CCDC192: variants seen among roughly 807,000 people sequenced by gnomAD.
The protein encoded by CCDC192 is coiled-coil domain-containing protein 192.
At chr5:127,861,466 C>A (rs1751368215) in intron 5 of CCDC192, among the ~76,000 whole-genome samples, 1 of 151,388 alleles carries the variant, frequency 6.6e-6, no homozygotes, top group Admixed American at 6.6e-5. Context: ...ACCAGCCCAG[C>A]CAACATAGCA....
intron 5 of CCDC192, among the ~76,000 whole-genome samples, chr5:127,855,101 G>T (rs1460160918): frequency 1.3e-5 from 2 of 152,014 alleles, no homozygotes; most frequent in African/African-American, 2.4e-5. Flanking sequence ...GATTGGTCAG[G>T]GTGGTGGTGG....
intron 3 of CCDC192, among the ~76,000 whole-genome samples, chr5:127,781,430 A>C (rs1339659438): frequency 1.3e-5 from 2 of 151,990 alleles, no homozygotes; most frequent in African/African-American, 4.8e-5. Flanking sequence ...CAATATGGTC[A>C]TTTTCACAAT....
In CCDC192 at chr5:127,719,534, C is replaced by T. The variant is rs9918145; in HGVS notation, c.114+11774C>T. Among the ~76,000 whole-genome samples the T allele has an allele frequency of 0.011, 463 of 42,154 alleles. 24 individuals carry two copies. The East Asian group carries it at 0.17, about 15-fold the overall frequency. The allele number at this position is 42,154 out of a possible 152,430, so 27.7% of individuals were successfully genotyped here. ...ATATATATATATATATACACACATA[C>T]ATATATATATATATATATATATATA... On this transcript the variant is annotated intron_variant, in intron 2 of 6. Coordinates refer to ENST00000514853, the MANE Select transcript of CCDC192 (RefSeq NM_001317938.2).
At chr5:127,853,785 A>C (rs1294691079) in intron 5 of CCDC192, among the ~76,000 whole-genome samples, 1 of 152,072 alleles carries the variant, frequency 6.6e-6, no homozygotes, top group Non-Finnish European at 1.5e-5. Context: ...AAAGCAAACA[A>C]ACAAACAAAC....
At chr5:127,712,712 A>G (rs1751408430) in intron 2 of CCDC192, among the ~76,000 whole-genome samples, 1 of 152,216 alleles carries the variant, frequency 6.6e-6, no homozygotes, top group South Asian at 2.1e-4. Flanking sequence ...TAAGGCTTCT[A>G]TGAATATTCA....
chr5:127,936,365 C>G (rs986206212), intron 6 of CCDC192, among the ~76,000 whole-genome samples: 1 of 152,164 alleles, frequency 6.6e-6, no homozygotes, highest in Non-Finnish European at 1.5e-5. Flanking sequence ...TGGCCAAAGG[C>G]AAGGTCATAT....
intron 3 of CCDC192, among the ~76,000 whole-genome samples, chr5:127,777,119 G>C (rs1484640351): frequency 2.0e-5 from 3 of 152,168 alleles, no homozygotes; most frequent in Non-Finnish European, 1.5e-5. Flanking sequence ...CCTGTGCCTG[G>C]AAAAGCCACA....
chr5:127,817,958 A>T (rs1384054731), intron 5 of CCDC192, among the ~76,000 whole-genome samples: 5 of 152,226 alleles, frequency 3.3e-5, no homozygotes, highest in Non-Finnish European at 7.3e-5. Context: ...AGAAGTAGTC[A>T]TACAAATCCA....
chr5:127,930,646 A>G (rs1452609107), intron 6 of CCDC192, among the ~76,000 whole-genome samples: 1 of 152,198 alleles, frequency 6.6e-6, no homozygotes, highest in Non-Finnish European at 1.5e-5. Context: ...CTTACCAAGA[A>G]CCCCTTCTGT....
intron 5 of CCDC192, among the ~76,000 whole-genome samples, chr5:127,849,242 A>C (rs936603503): frequency 8.5e-5 from 13 of 152,246 alleles, no homozygotes; most frequent in Non-Finnish European, 1.6e-4. Flanking sequence ...AAAAATAAAT[A>C]AATAAATAAA....
intron 3 of CCDC192, among the ~76,000 whole-genome samples, chr5:127,764,854 A>G (rs1341288544): frequency 6.6e-6 from 1 of 152,234 alleles, no homozygotes; most frequent in African/African-American, 2.4e-5. Flanking sequence ...CAGGTTGGAC[A>G]GCTTATTTTA....
chr5:127,914,969 A>T (rs1014186899), intron 6 of CCDC192, among the ~76,000 whole-genome samples: 5 of 152,210 alleles, frequency 3.3e-5, no homozygotes, highest in African/African-American at 1.2e-4. Context: ...ACACAAGGAA[A>T]ATAGGACTTA....
intron 2 of CCDC192, among the ~76,000 whole-genome samples, chr5:127,722,670 T>C (rs1478749275): frequency 6.6e-6 from 1 of 152,214 alleles, no homozygotes; most frequent in Non-Finnish European, 1.5e-5. Flanking sequence ...TTCATTCTTC[T>C]CCATATGGAT....
chr5:127,709,049 T>C (rs909599174), intron 2 of CCDC192, among the ~76,000 whole-genome samples: 2 of 149,610 alleles, frequency 1.3e-5, no homozygotes, highest in African/African-American at 5.0e-5. Context: ...CTTAGGAAGG[T>C]TCCAATTAGG....
chr5:127,879,079 T>C (rs1752241544), intron 6 of CCDC192, among the ~76,000 whole-genome samples: 1 of 151,942 alleles, frequency 6.6e-6, no homozygotes, highest in South Asian at 2.1e-4. Context: ...TTTGCTGAAG[T>C]TGCTTATCAG....
At chr5:127,804,623 T>G (rs1043018114) in intron 5 of CCDC192, among the ~76,000 whole-genome samples, 1 of 152,198 alleles carries the variant, frequency 6.6e-6, no homozygotes, top group African/African-American at 2.4e-5. Flanking sequence ...AGAATCAGAA[T>G]CAGTTGTTTA....
At chr5:127,918,521 T>C (rs1166975950) in intron 6 of CCDC192, among the ~76,000 whole-genome samples, 1 of 152,162 alleles carries the variant, frequency 6.6e-6, no homozygotes, top group Non-Finnish European at 1.5e-5. Context: ...TTACACACTC[T>C]ATGGGATGAA....
At chr5:127,829,366 G>T (rs1749682405) in intron 5 of CCDC192, among the ~76,000 whole-genome samples, 1 of 101,434 alleles carries the variant, frequency 9.9e-6, no homozygotes, top group African/African-American at 4.2e-5. Flanking sequence ...TGTTTTCCTA[G>T]AATTGTTTTT....
chr5:127,775,205 T>C (rs1755787679), intron 3 of CCDC192, among the ~76,000 whole-genome samples: 1 of 152,152 alleles, frequency 6.6e-6, no homozygotes, highest in Admixed American at 6.5e-5. Flanking sequence ...ATTCCTTTCA[T>C]ATGGAAAGTA....
Sources: allele counts gnomAD v4.1 joint callset (sites outside exome capture counted in the v4.1 genomes callset), GRCh38; gene constraint gnomAD v4.1.1; transcripts MANE v1.5; gene names NCBI Gene and HGNC (gene_info 2026-07-23, HGNC 2026-07-21).